The following CALU variants were observed in gnomAD, a reference collection of about 807,000 sequenced individuals.
CALU encodes the protein calumenin.
Under a neutral mutation model 37.5 loss-of-function variants are expected in CALU, and 13 were observed. The observed-to-expected ratio is 0.35, with a 90% CI of 0.23 to 0.55. The LOEUF is 0.55. Ranked by LOEUF, CALU falls within the 20% of genes least tolerant of loss-of-function variation. CALU has a pLI of 0.89. For synonymous variants in CALU, 114 were observed against 133.8 expected (o/e 0.85, Z 1.02); for missense variants, 282 against 391.7 (o/e 0.72, Z 2.36).
chr7:128,762,863 C>T (rs1585017282), intron 5 of CALU, among the ~76,000 whole-genome samples: 1 of 151,964 alleles, frequency 6.6e-6, no homozygotes, highest in Middle Eastern at 3.4e-3. Context: ...GGCGGGGTTT[C>T]ACCATGTTGG....
Position 128,754,359 on chromosome 7 carries a change from G to A in CALU, c.319G>A (p.Glu107Lys), listed in dbSNP as rs1800786208. Residue 107 changes from glutamate (E) to lysine (K), a missense_variant, in exon 3 of 7, where the codon GAG becomes AAG. Transcript: ENST00000249364. ...IKFAQKRWIYEDVERQWKGHD... is the reference protein window; with the variant it reads ...IKFAQKRWIYKDVERQWKGHD... Reference sequence around the variant, plus strand: ...ATTTGCACAAAAGCGCTGGATTTACGAGGATGTAGAGCGACAGTGGAAGGG... The same window carrying A: ...ATTTGCACAAAAGCGCTGGATTTACAAGGATGTAGAGCGACAGTGGAAGGG... The A allele has an allele frequency of 1.9e-6, 3 of 1,614,048 alleles. No homozygotes were observed. The highest frequency in any genetic ancestry group is 1.7e-5 in the Admixed American group (1 of 59,998).
At chr7:128,768,764 T>C (rs548723050) in intron 6 of CALU, among the ~76,000 whole-genome samples, 1 of 147,284 alleles carries the variant, frequency 6.8e-6, no homozygotes, top group African/African-American at 2.5e-5. Context: ...CTTAAATCAC[T>C]TTAACACGGG....
intron 5 of CALU, among the ~76,000 whole-genome samples, chr7:128,760,769 G>A (rs1008010052): frequency 2.4e-4 from 36 of 152,338 alleles, no homozygotes; most frequent in African/African-American, 8.7e-4. Context: ...TTAGCCGGGT[G>A]TAGTGGCAGG....
chr7:128,742,837 A>G (rs1353167673), intron 1 of CALU, among the ~76,000 whole-genome samples: 1 of 152,172 alleles, frequency 6.6e-6, no homozygotes, highest in East Asian at 1.9e-4. Context: ...TTTATAGAAG[A>G]CCATTATTGG....
chr7:128,743,811 A>C (rs1375930926), intron 1 of CALU, among the ~76,000 whole-genome samples: 4 of 152,098 alleles, frequency 2.6e-5, no homozygotes, highest in African/African-American at 9.7e-5. Context: ...GCCCAGTCTA[A>C]ACTTTTATAA....
intron 5 of CALU, among the ~76,000 whole-genome samples, chr7:128,763,140 AAT>A (rs1419116644): frequency 1.3e-5 from 2 of 152,188 alleles, no homozygotes; most frequent in Non-Finnish European, 2.9e-5. Flanking sequence ...ATATGTCTAA[AAT>A]ATATATGTGT....
Position 128,769,055 on chromosome 7 carries a change from A to G in CALU, c.844-8A>G, listed in dbSNP as rs141342565. The G allele has an allele frequency of 2.3e-4, 345 of 1,522,000 alleles. 1 individual carries two copies. In the African/African-American group the frequency reaches 3.9e-3, roughly 17 times the overall value. The allele number at this position is 1,522,000 out of a possible 1,614,324, so 94.3% of individuals were successfully genotyped here. A position where few individuals can be genotyped will look rare whatever the true frequency, so the allele number is the denominator to read the frequency against. On this transcript the variant is annotated splice_region_variant and splice_polypyrimidine_tract_variant and intron_variant, in intron 6 of 6. Coordinates refer to ENST00000249364, the MANE Select transcript of CALU (RefSeq NM_001219.5). The stretch of plus-strand genomic sequence containing the variant: ...TCTTCTTCAATTCATTGCTATCTCT[A>G]CTTTCAGGATGGCAAGCTTACCAAG...
chr7:128,772,077 T>TTG lies in CALU; in HGVS notation c.*2911_*2912insGT, dbSNP rs1801600485. On this transcript the variant is annotated 3_prime_UTR_variant, in exon 7 of 7. Transcript: ENST00000249364. ...GAGTTTTTTTTGTTTTTTTTTTTGT[T>TTG]TTGTTTTGTTTTTTCTTTATGTCTC... Among the ~76,000 whole-genome samples, 2 of 95,106 alleles carry TTG rather than the reference T, an allele frequency of 2.1e-5. No individual in the cohort carries two copies. The highest frequency in any genetic ancestry group is 6.2e-5 in the African/African-American group (2 of 32,482). 62.4% of individuals were successfully genotyped at this position (95,106 alleles called of 152,430 possible). A position where few individuals can be genotyped will look rare whatever the true frequency, so the allele number is the denominator to read the frequency against.
At chr7:128,758,239 G>A (rs1373229836) in intron 3 of CALU, among the ~76,000 whole-genome samples, 1 of 152,108 alleles carries the variant, frequency 6.6e-6, no homozygotes, top group Non-Finnish European at 1.5e-5. Context: ...AAAAAAAACA[G>A]AATGTGACCT....
At chr7:128,759,387 C>G (rs1375528005) in intron 4 of CALU, among the ~76,000 whole-genome samples, 3 of 152,138 alleles carry the variant, frequency 2.0e-5, no homozygotes, top group Non-Finnish European at 4.4e-5. Context: ...AACAGTGATA[C>G]TAAAGAACTC....
At chr7:128,745,462 G>A (rs1800396462) in intron 1 of CALU, among the ~76,000 whole-genome samples, 1 of 151,450 alleles carries the variant, frequency 6.6e-6, no homozygotes, top group Admixed American at 6.6e-5. Flanking sequence ...TTAATTTGCT[G>A]TGCATGGTGG....
At chr7:128,762,677 TG>T (rs1425955479) in intron 5 of CALU, among the ~76,000 whole-genome samples, 1 of 152,126 alleles carries the variant, frequency 6.6e-6, no homozygotes, top group Non-Finnish European at 1.5e-5. Flanking sequence ...TATTTATTTA[TG>T]TTTTTTTTGA....
intron 1 of CALU, among the ~76,000 whole-genome samples, chr7:128,740,779 C>T (rs1800209778): frequency 6.6e-6 from 1 of 152,150 alleles, no homozygotes. Context: ...AACTCATTGT[C>T]ACTCTCAATG....
In CALU at chr7:128,770,907, TC is replaced by T; in HGVS notation, c.*1742del. The T allele has an allele frequency of 6.5e-6, 1 of 152,788 alleles. No individual in the cohort carries two copies. Among genetic ancestry groups the T allele is most frequent in the Non-Finnish European group, 1.5e-5 (1 of 68,044 alleles). 9.5% of individuals were successfully genotyped at this position (152,788 alleles called of 1,614,324 possible). A position where few individuals can be genotyped will look rare whatever the true frequency, so the allele number is the denominator to read the frequency against. The stretch of plus-strand genomic sequence containing the variant: ...TGAACCTAGGTATATCCTTTGGTCT[TC>T]CACAGTCATGTTGAGGTGGGCTCCC... On this transcript the variant is annotated 3_prime_UTR_variant, in exon 7 of 7. Transcript: ENST00000249364.
chr7:128,744,277 T>C (rs7776641), intron 1 of CALU, among the ~76,000 whole-genome samples: 5,566 of 152,220 alleles, frequency 0.037, 188 homozygotes, highest in East Asian at 0.13. Flanking sequence ...TACTGTTCCT[T>C]TCACATCTTC....
chr7:128,754,192 A>G, intron 2 of CALU, 70 bp from the exon 3 acceptor site: 2 of 1,218,450 alleles, frequency 1.6e-6, no homozygotes, highest in East Asian at 2.3e-5. Flanking sequence ...AGCCCTGGGC[A>G]CACACCTGGC....
rs968975498 is a variant in CALU, at chr7:128,769,425, T to C, written c.*258T>C. 34 of 238,756 alleles carry C rather than the reference T, an allele frequency of 1.4e-4. No individual in the cohort carries two copies. The highest frequency in any genetic ancestry group is 2.0e-4 in the Non-Finnish European group (25 of 122,338). 14.8% of individuals were successfully genotyped at this position (238,756 alleles called of 1,614,324 possible). On this transcript the variant is annotated 3_prime_UTR_variant, in exon 7 of 7. Coordinates refer to ENST00000249364, the MANE Select transcript of CALU (RefSeq NM_001219.5). Reference sequence around the variant, plus strand: ...ATTATGTATTAACATGGCGTGTTTATTTTTGTATTTTTCTCTGGTTGGGAG... The same window carrying C: ...ATTATGTATTAACATGGCGTGTTTACTTTTGTATTTTTCTCTGGTTGGGAG...
At position 128,769,251 on chromosome 7, in the gene CALU, CTG is replaced by C. The variant is rs1390175793; in HGVS notation, c.*86_*87del. ...CATGAAATTGTTTGCGCTACTGAGA[CTG>C]TTACTACAAACTTTTTAAGACATGA... On this transcript the variant is annotated 3_prime_UTR_variant, in exon 7 of 7. Coordinates refer to ENST00000249364, the MANE Select transcript of CALU (RefSeq NM_001219.5). The C allele has an allele frequency of 2.8e-6, 2 of 704,074 alleles. No homozygotes were observed. Among genetic ancestry groups the C allele is most frequent in the East Asian group, 5.5e-5 (2 of 36,654 alleles). The allele number at this position is 704,074 out of a possible 1,614,324, so 43.6% of individuals were successfully genotyped here. A position where few individuals can be genotyped will look rare whatever the true frequency, so the allele number is the denominator to read the frequency against.
intron 2 of CALU, among the ~76,000 whole-genome samples, chr7:128,753,940 A>G (rs1046379186): frequency 6.6e-6 from 1 of 152,248 alleles, no homozygotes; most frequent in Non-Finnish European, 1.5e-5. Context: ...AAAGTTTTAC[A>G]TGTTGTTTGA....
Sources: allele counts gnomAD v4.1 joint callset (sites outside exome capture counted in the v4.1 genomes callset), GRCh38; gene constraint gnomAD v4.1.1; transcripts MANE v1.5; gene names NCBI Gene and HGNC (gene_info 2026-07-23, HGNC 2026-07-21).